MBD5: variants seen among roughly 807,000 people sequenced by gnomAD.
MBD5 encodes methyl-CpG-binding domain protein 5.
Under a neutral mutation model 117.3 loss-of-function variants are expected in MBD5, and 13 were observed. That is an observed-to-expected ratio of 0.11 (90% CI 0.07 to 0.18). The LOEUF is 0.18. MBD5 is among the 10% of genes least tolerant of loss of function. The probability of loss-of-function intolerance (pLI) is 1.00; values close to 1 mark genes in which losing one functional copy is unlikely to be tolerated. For synonymous variants in MBD5, 727 were observed against 766.4 expected (o/e 0.95, Z 0.85); for missense variants, 1,879 against 2,093.8 (o/e 0.90, Z 2.00).
At position 148,197,819 on chromosome 2, in the gene MBD5, T is replaced by G. The variant is rs12987128; in HGVS notation, c.-831+19026T>G. 7.6e-3 allele frequency among the ~76,000 whole-genome samples: 340 copies of G among 44,740 alleles called. 1 individual carries two copies. Among genetic ancestry groups the G allele is most frequent in the South Asian group, 0.018 (34 of 1,888 alleles). 29.4% of individuals were successfully genotyped at this position (44,740 alleles called of 152,430 possible). Reference sequence around the variant, plus strand: ...GTTTTTTTTTTTGTTTTTTTTTTTGTTTTTTTTTTTTGAGACAAAGTTTTG... The same window carrying G: ...GTTTTTTTTTTTGTTTTTTTTTTTGGTTTTTTTTTTTGAGACAAAGTTTTG... On this transcript the variant is annotated intron_variant, in intron 2 of 13. Coordinates refer to ENST00000642680, the MANE Select transcript of MBD5 (RefSeq NM_001378120.1).
intron 3 of MBD5, among the ~76,000 whole-genome samples, chr2:148,254,942 G>A (rs1700548571): frequency 6.6e-6 from 1 of 152,190 alleles, no homozygotes; most frequent in African/African-American, 2.4e-5. Context: ...AAAGCTTGCT[G>A]CATCATGTTC....
chr2:148,299,801 T>C (rs1320487156), intron 3 of MBD5, among the ~76,000 whole-genome samples: 1 of 152,236 alleles, frequency 6.6e-6, no homozygotes, highest in African/African-American at 2.4e-5. Context: ...GAGTACACTT[T>C]AAATGCTTCA....
At chr2:148,409,439 A>AAGGGAAGGAGGG (rs1158170214) in intron 4 of MBD5, among the ~76,000 whole-genome samples, 2 of 149,806 alleles carry the variant, frequency 1.3e-5, no homozygotes, top group African/African-American at 4.9e-5. Context: ...GAGAAAGGAA[A>AAGGGAAGGAGGG]AGGGAAGGAG....
intron 3 of MBD5, among the ~76,000 whole-genome samples, chr2:148,302,090 A>G (rs1390919631): frequency 2.6e-5 from 4 of 152,340 alleles, no homozygotes; most frequent in African/African-American, 7.2e-5. Context: ...TACTAGCTGT[A>G]TAAGACCATG....
chr2:148,179,024 A>G (rs1698453560), intron 2 of MBD5, among the ~76,000 whole-genome samples: 1 of 152,204 alleles, frequency 6.6e-6, no homozygotes, highest in Non-Finnish European at 1.5e-5. Context: ...ATAAATTGTA[A>G]TACACAAGTG....
intron 2 of MBD5, among the ~76,000 whole-genome samples, chr2:148,197,805 TG>T (rs1311207563): frequency 2.4e-5 from 3 of 127,398 alleles, no homozygotes; most frequent in Admixed American, 8.6e-5. Context: ...TTTTTTTTTT[TG>T]TTTTTTTTTT....
chr2:148,030,466 GTA>G (rs749229174), intron 1 of MBD5, among the ~76,000 whole-genome samples: 138 of 151,996 alleles, frequency 9.1e-4, no homozygotes, highest in Non-Finnish European at 3.1e-4. Context: ...AGAATAATAA[GTA>G]TGCAATGTTT....
intron 4 of MBD5, among the ~76,000 whole-genome samples, chr2:148,365,387 G>A (rs1559041272): frequency 6.6e-6 from 1 of 152,120 alleles, no homozygotes; most frequent in Non-Finnish European, 1.5e-5. Flanking sequence ...GAGAAAGCAG[G>A]AAAGATCTAA....
chr2:148,457,836 G>C (rs1454955818), intron 4 of MBD5, among the ~76,000 whole-genome samples: 3 of 152,108 alleles, frequency 2.0e-5, no homozygotes, highest in Non-Finnish European at 1.5e-5. Context: ...AAATATGGTT[G>C]GATTAACACA....
intron 1 of MBD5, among the ~76,000 whole-genome samples, chr2:148,093,215 G>A (rs1311456419): frequency 6.6e-6 from 1 of 152,102 alleles, no homozygotes; most frequent in Non-Finnish European, 1.5e-5. Context: ...CTGGCTGGTA[G>A]ACTGCTTTTA....
chr2:148,077,159 C>T (rs1695529344), intron 1 of MBD5, among the ~76,000 whole-genome samples: 1 of 152,120 alleles, frequency 6.6e-6, no homozygotes, highest in Non-Finnish European at 1.5e-5. Context: ...GCTCTCTAGC[C>T]CATTGTCAAA....
intron 3 of MBD5, chr2:148,244,271 G>A (rs1316550100): frequency 6.6e-6 from 1 of 152,094 alleles, no homozygotes; most frequent in African/African-American, 2.4e-5. Context: ...GATAATGTAT[G>A]TAAAGCTTAT....
At chr2:148,304,142 A>G (rs566412881) in intron 3 of MBD5, among the ~76,000 whole-genome samples, 6 of 152,274 alleles carry the variant, frequency 3.9e-5, no homozygotes, top group Non-Finnish European at 7.4e-5. Context: ...GTAAGTAGTA[A>G]TAATAATAAT....
At chr2:148,023,794 A>G (rs1434064524) in intron 1 of MBD5, among the ~76,000 whole-genome samples, 1 of 151,074 alleles carries the variant, frequency 6.6e-6, no homozygotes, top group Non-Finnish European at 1.5e-5. Flanking sequence ...TTTTTTTATC[A>G]CACCCCTCAC....
chr2:148,235,686 T>C (rs1700076761), intron 3 of MBD5, among the ~76,000 whole-genome samples: 1 of 152,172 alleles, frequency 6.6e-6, no homozygotes, highest in East Asian at 1.9e-4. Flanking sequence ...TCCCAGTGCA[T>C]ATACAAGGTA....
At position 148,308,503 on chromosome 2, in the gene MBD5, T is replaced by C. The variant is rs1257508726; in HGVS notation, c.-679-33711T>C. Among the ~76,000 whole-genome samples, 1,185 of 137,494 alleles carry C rather than the reference T, an allele frequency of 8.6e-3. 14 individuals are homozygous for C. Among genetic ancestry groups the C allele is most frequent in the African/African-American group, 0.034 (1,136 of 33,522 alleles). 90.2% of individuals were successfully genotyped at this position (137,494 alleles called of 152,430 possible). A position where few individuals can be genotyped will look rare whatever the true frequency, so the allele number is the denominator to read the frequency against. ...GATGGGGTTCTTTCTTTTTTTTTTT[T>C]TTTTTTTTTTTTTTTGATGGGGTTA... On this transcript the variant is annotated intron_variant, in intron 3 of 13. Coordinates refer to ENST00000642680, the MANE Select transcript of MBD5 (RefSeq NM_001378120.1).
At chr2:148,035,083 G>T (rs1040136369) in intron 1 of MBD5, among the ~76,000 whole-genome samples, 3 of 151,996 alleles carry the variant, frequency 2.0e-5, no homozygotes, top group African/African-American at 2.4e-5. Flanking sequence ...TGAAGTCCTA[G>T]AATGTTGTGG....
At chr2:148,306,650 A>T (rs922220922) in intron 3 of MBD5, among the ~76,000 whole-genome samples, 1 of 152,242 alleles carries the variant, frequency 6.6e-6, no homozygotes, top group South Asian at 2.1e-4. Context: ...AAACAAAACA[A>T]CAAAGAACCA....
At chr2:148,073,540 G>T (rs1030868645) in intron 1 of MBD5, among the ~76,000 whole-genome samples, 1 of 151,858 alleles carries the variant, frequency 6.6e-6, no homozygotes, top group Non-Finnish European at 1.5e-5. Context: ...ACTATATATG[G>T]TACATTCTTA....
Sources: allele counts gnomAD v4.1 joint callset (sites outside exome capture counted in the v4.1 genomes callset), GRCh38; gene constraint gnomAD v4.1.1; transcripts MANE v1.5; gene names NCBI Gene and HGNC (gene_info 2026-07-23, HGNC 2026-07-21).